Variants in GIMAP8 observed in about 807,000 individuals in gnomAD.
GIMAP8 encodes GTPase IMAP family member 8.
Under a neutral mutation model 35.6 loss-of-function variants are expected in GIMAP8, and 29 were observed. The observed-to-expected ratio is 0.81, with a 90% CI of 0.61 to 1.11. The LOEUF (loss-of-function observed/expected upper bound fraction) is 1.11, where lower values mean the gene tolerates loss of function less well. GIMAP8 is among the 50% of genes most tolerant of loss of function. The probability of loss-of-function intolerance (pLI) is 0.00; values close to 1 mark genes in which losing one functional copy is unlikely to be tolerated. For synonymous variants in GIMAP8, 335 were observed against 308.7 expected (o/e 1.09, Z -0.89); for missense variants, 811 against 805.0 (o/e 1.01, Z -0.09).
At position 150,474,393 on chromosome 7, in the gene GIMAP8, T is replaced by TAA; in HGVS notation, c.1064_1065insAA (p.Phe355LeufsTer6). ...ATCCAAAACAATTTTGGAGAAAAAT[T>TAA]CTTTGAGTACATGATCATACTTCTT... is the stretch of plus-strand genomic sequence containing the variant. On this transcript the variant is annotated frameshift_variant, in exon 4 of 5. Transcript: ENST00000307271. LOFTEE classifies it high-confidence loss of function. The TAA allele has an allele frequency of 6.2e-7, 1 of 1,614,120 alleles. No individual in the cohort carries two copies. The highest frequency in any genetic ancestry group is 8.5e-7 in the Non-Finnish European group (1 of 1,180,002).
rs1234583479 is a variant in GIMAP8 at position 150,477,851 on chromosome 7, C to T, written c.*71C>T. On this transcript the variant is annotated 3_prime_UTR_variant, in exon 5 of 5. Coordinates refer to ENST00000307271, the MANE Select transcript of GIMAP8 (RefSeq NM_175571.4). ...TTGGGGGGAGGGGCGGGGCATGGTA[C>T]AACCTGTGGGAAGGGAAGCGGGTTC... 3 of 1,270,052 alleles carry T rather than the reference C, an allele frequency of 2.4e-6. No individual in the cohort carries two copies. The highest frequency in any genetic ancestry group is 3.3e-6 in the Non-Finnish European group (3 of 909,320). The allele number at this position is 1,270,052 out of a possible 1,614,324, so 78.7% of individuals were successfully genotyped here.
At chr7:150,462,943 C>G (rs1018891202) in intron 1 of GIMAP8, among the ~76,000 whole-genome samples, 7 of 152,114 alleles carry the variant, frequency 4.6e-5, no homozygotes, top group African/African-American at 1.7e-4. Context: ...TGACTTTTCC[C>G]ATCTTGTATC....
rs6951251 is a variant in GIMAP8, at chr7:150,451,480, G to A, written c.-29+305G>A. ...CCCCAGCCTGCTGGGGAGTAGATTC[G>A]GCAGGATGGGGACAGAGGCATATTC... On this transcript the variant is annotated intron_variant, in intron 1 of 4. Coordinates refer to ENST00000307271, the MANE Select transcript of GIMAP8 (RefSeq NM_175571.4). This position sits in a 1 kb window ranked among gnomAD's most constrained non-coding sequence, Gnocchi z 4.1. 3.3e-5 allele frequency among the ~76,000 whole-genome samples: 5 copies of A among 152,124 alleles called. No homozygotes were observed. Among genetic ancestry groups the A allele is most frequent in the Non-Finnish European group, 7.4e-5 (5 of 68,016 alleles).
chr7:150,470,831 T>TTG lies in GIMAP8; in HGVS notation c.644_645dup (p.Asn216Ter), dbSNP rs769545169. ...TATTTTGTTCCTTTATTTTCTAGGA[T>TTG]TGTGTGAATGAAGCTGCATCTCAAG... On this transcript the variant is annotated frameshift_variant, in exon 3 of 5. Transcript: ENST00000307271. LOFTEE classifies it high-confidence loss of function. The TTG allele has an allele frequency of 1.2e-6, 2 of 1,602,898 alleles. No homozygotes were observed. Among genetic ancestry groups the TTG allele is most frequent in the East Asian group, 4.5e-5 (2 of 44,780 alleles).
At position 150,475,733 on chromosome 7, in the gene GIMAP8, T is replaced by C. The variant is rs1054379856; in HGVS notation, c.1309+1095T>C. ...TTGAACCCTCCTTTAGAAGTATAGATACATGGGAAAGTCAGGAGAGGCTTT... is the reference window on the plus strand; with the variant it reads ...TTGAACCCTCCTTTAGAAGTATAGACACATGGGAAAGTCAGGAGAGGCTTT... On this transcript the variant is annotated intron_variant, in intron 4 of 4. Coordinates refer to ENST00000307271, the MANE Select transcript of GIMAP8 (RefSeq NM_175571.4). Among the ~76,000 whole-genome samples, 12 of 152,268 alleles carry C rather than the reference T, an allele frequency of 7.9e-5. 1 individual carries two copies. The highest frequency in any genetic ancestry group is 1.3e-4 in the Non-Finnish European group (9 of 68,022).
rs375220398 is a variant in GIMAP8 at position 150,466,916 on chromosome 7, T to C, written c.218T>C (p.Ile73Thr). The C allele has an allele frequency of 1.9e-5, 31 of 1,614,124 alleles. No individual in the cohort carries two copies. In the East Asian group the frequency reaches 6.2e-4, roughly 32 times the overall value. ...VIDTPDLFSSIACAEDKQRNI... is the reference protein window; with the variant it reads ...VIDTPDLFSSTACAEDKQRNI... ...GACACCCCTGACCTTTTCTCCTCAA[T>C]AGCTTGTGCTGAAGACAAGCAACGC... is the stretch of plus-strand genomic sequence containing the variant. The change falls in exon 2 of 5, where the codon ATA becomes ACA. Residue 73 changes from isoleucine to threonine, a missense_variant. Ile to Thr is a moderately conservative substitution (Grantham distance 89, BLOSUM62 -1). Coordinates refer to ENST00000307271, the MANE Select transcript of GIMAP8 (RefSeq NM_175571.4).
At chr7:150,467,471 C>T (rs1383607210) in intron 2 of GIMAP8, 137 bp downstream of exon 2, 5 of 727,806 alleles carry the variant, frequency 6.9e-6, no homozygotes, top group Non-Finnish European at 1.1e-5. Context: ...ATATAATTTG[C>T]AGGAATAAGA....
In GIMAP8 at chr7:150,477,464, T is replaced by A; in HGVS notation, c.1682T>A (p.Ile561Asn). 6.2e-7 allele frequency: 1 copy of A among 1,614,120 alleles called. No individual in the cohort carries two copies. Among genetic ancestry groups the A allele is most frequent in the African/African-American group, 1.3e-5 (1 of 75,060 alleles). Reference sequence around the variant, plus strand: ...GGAGCAGACTTTACGAAATACGCGATTATGCTGTTCACCCGGAAGGAAGAC... The same window carrying A: ...GGAGCAGACTTTACGAAATACGCGAATATGCTGTTCACCCGGAAGGAAGAC... ...IFGADFTKYAIMLFTRKEDLG... is the reference protein window; with the variant it reads ...IFGADFTKYANMLFTRKEDLG... Residue 561 changes from isoleucine (I) to asparagine (N), a missense_variant, in exon 5 of 5, where the codon ATT (isoleucine) becomes AAT (asparagine). Physicochemically the swap from Ile to Asn is moderately radical, Grantham distance 149. Transcript: ENST00000307271.
At chr7:150,457,679 C>T (rs1801758556) in intron 1 of GIMAP8, among the ~76,000 whole-genome samples, 1 of 152,134 alleles carries the variant, frequency 6.6e-6, no homozygotes, top group Non-Finnish European at 1.5e-5. Flanking sequence ...ACTAAAAATT[C>T]ACAGAAGGGC....
chr7:150,470,566 T>C (rs1200895635), intron 2 of GIMAP8, among the ~76,000 whole-genome samples: 1 of 151,814 alleles, frequency 6.6e-6, no homozygotes. Context: ...CTGGGAGCAG[T>C]GAGGGAAGGA....
At chr7:150,470,338 A>G (rs1182586625) in intron 2 of GIMAP8, among the ~76,000 whole-genome samples, 1 of 152,214 alleles carries the variant, frequency 6.6e-6, no homozygotes, top group Non-Finnish European at 1.5e-5. Context: ...AGGTTCATCA[A>G]GATTGCATAC....
intron 2 of GIMAP8, 58 bp from the exon 3 acceptor site, chr7:150,470,766 TTTCAG>T: frequency 2.2e-5 from 16 of 719,440 alleles, no homozygotes; most frequent in South Asian, 8.9e-5. Context: ...TTTTTTTTTT[TTTCAG>T]TTTGTGGAAG....
chr7:150,468,567 A>G (rs1379927778), intron 2 of GIMAP8, among the ~76,000 whole-genome samples: 1 of 152,220 alleles, frequency 6.6e-6, no homozygotes, highest in East Asian at 1.9e-4. Flanking sequence ...AGTTCTATCT[A>G]TATTGACTCC....
intron 3 of GIMAP8, among the ~76,000 whole-genome samples, chr7:150,473,552 G>C (rs1802140985): frequency 6.8e-6 from 1 of 147,950 alleles, no homozygotes; most frequent in African/African-American, 2.5e-5. Flanking sequence ...GTGTTTTTTT[G>C]AGATCCATCT....
chr7:150,454,654 A>G (rs948796088), intron 1 of GIMAP8, among the ~76,000 whole-genome samples: 1 of 152,228 alleles, frequency 6.6e-6, no homozygotes, highest in Non-Finnish European at 1.5e-5. Flanking sequence ...CTACAGGAAC[A>G]CTTACAAAAA....
chr7:150,468,123 C>T (rs150587475), intron 2 of GIMAP8, among the ~76,000 whole-genome samples: 1 of 152,180 alleles, frequency 6.6e-6, no homozygotes, highest in East Asian at 1.9e-4. Flanking sequence ...ATCAATATAC[C>T]CAGAATCCAC....
intron 1 of GIMAP8, among the ~76,000 whole-genome samples, chr7:150,453,890 G>A (rs996035891): frequency 2.6e-5 from 4 of 151,522 alleles, no homozygotes; most frequent in Non-Finnish European, 4.4e-5. Flanking sequence ...GCATAGAGGG[G>A]TGGACAGCTC....
At chr7:150,454,784 AT>A (rs1801691110) in intron 1 of GIMAP8, among the ~76,000 whole-genome samples, 1 of 152,230 alleles carries the variant, frequency 6.6e-6, no homozygotes, top group South Asian at 2.1e-4. Context: ...ACATTTTTAA[AT>A]TTAGTAATCA....
intron 1 of GIMAP8, among the ~76,000 whole-genome samples, chr7:150,452,692 A>ATATG (rs1299552061): frequency 9.2e-6 from 1 of 108,344 alleles, no homozygotes; most frequent in Non-Finnish European, 1.9e-5. Context: ...ATATATATAT[A>ATATG]TATATATATA....
Sources: gnomAD v4.1 joint callset for allele counts (sites outside exome capture counted in the v4.1 genomes callset) on GRCh38, gnomAD v4.1.1 for gene constraint, Gnocchi (gnomAD v3.1) non-coding constraint, MANE v1.5 for transcripts, NCBI Gene and HGNC (gene_info 2026-07-23, HGNC 2026-07-21) for gene names.